PDE1C: variants seen among roughly 807,000 people sequenced by gnomAD.
PDE1C encodes the protein phosphodiesterase 1C, also known as dual specificity calcium/calmodulin-dependent 3',5'-cyclic nucleotide phosphodiesterase 1C.
Under a neutral mutation model 93.1 loss-of-function variants are expected in PDE1C, and 62 were observed. The ratio of observed to expected loss-of-function variants is 0.67; its 90% CI spans 0.54 to 0.82. The LOEUF is 0.82. Ranked by LOEUF, PDE1C falls within the 40% of genes least tolerant of loss-of-function variation. PDE1C has a pLI of 0.00. For missense variants in PDE1C, 742 were observed against 884.6 expected (o/e 0.84, Z 2.04); for synonymous variants, 325 against 310.1 (o/e 1.05, Z -0.50).
intron 2 of PDE1C, among the ~76,000 whole-genome samples, chr7:31,994,146 C>G (rs1406768142): frequency 6.6e-6 from 1 of 152,118 alleles, no homozygotes; most frequent in African/African-American, 2.4e-5. Flanking sequence ...GGCAAAGCAA[C>G]AATCACAATG....
At chr7:31,723,783 A>G in the PDE1C span, among the ~76,000 whole-genome samples, 2 of 152,294 alleles carry the variant, frequency 1.3e-5, no homozygotes, top group African/African-American at 2.4e-5. Flanking sequence ...CACAAAAATT[A>G]AGACACTTTT....
intron 16 of PDE1C, among the ~76,000 whole-genome samples, chr7:31,794,055 GACAGACA>G (rs1784943208): frequency 1.4e-5 from 2 of 145,830 alleles, no homozygotes; most frequent in African/African-American, 5.3e-5. Flanking sequence ...CAGACAGACA[GACAGACA>G]GACAGACAGA....
the PDE1C span, among the ~76,000 whole-genome samples, chr7:31,623,355 A>G: frequency 2.0e-5 from 3 of 152,092 alleles, no homozygotes; most frequent in Admixed American, 6.6e-5. Context: ...AAAATCCTCA[A>G]TAAAACACTG....
At chr7:31,675,931 T>C in the PDE1C span, among the ~76,000 whole-genome samples, 1 of 152,112 alleles carries the variant, frequency 6.6e-6, no homozygotes, top group Non-Finnish European at 1.5e-5. Context: ...AAGATCTGGG[T>C]ATAATATATC....
chr7:32,093,555 C>T (rs1025797916), intron 3 of PDE1C, among the ~76,000 whole-genome samples: 1 of 152,228 alleles, frequency 6.6e-6, no homozygotes, highest in Non-Finnish European at 1.5e-5. Context: ...GTTACTTCTC[C>T]GGAGCCTGGG....
At position 32,039,022 on chromosome 7, in the gene PDE1C, T is replaced by C. The variant is rs1030815353; in HGVS notation, c.128+12532A>G. Reference sequence around the variant, plus strand: ...AGTATGAAGTTAGCAATAACTGTGCTCATGGGCCACCACCACCATCAGCAC... The same window carrying C: ...AGTATGAAGTTAGCAATAACTGTGCCCATGGGCCACCACCACCATCAGCAC... On this transcript the variant is annotated intron_variant, in intron 2 of 17. Coordinates refer to ENST00000396191, the MANE Select transcript of PDE1C (RefSeq NM_001191057.4). Among the ~76,000 whole-genome samples, 83 of 152,130 alleles carry C rather than the reference T, an allele frequency of 5.5e-4. 2 individuals are homozygous for C. Among genetic ancestry groups the C allele is most frequent in the Non-Finnish European group, 4.4e-4 (30 of 68,028 alleles).
At chr7:32,108,655 C>G (rs1050338961) in intron 3 of PDE1C, among the ~76,000 whole-genome samples, 1 of 152,128 alleles carries the variant, frequency 6.6e-6, no homozygotes, top group Non-Finnish European at 1.5e-5. Context: ...TGACACAAAA[C>G]CCGTATGAAA....
intron 3 of PDE1C, among the ~76,000 whole-genome samples, chr7:32,136,170 G>A (rs1800196539): frequency 1.3e-5 from 2 of 152,076 alleles, no homozygotes; most frequent in Admixed American, 1.3e-4. Context: ...GTTATAAGAT[G>A]AACAAGTTAA....
At chr7:32,205,322 T>C (rs975549996) in intron 2 of PDE1C, among the ~76,000 whole-genome samples, 1 of 152,212 alleles carries the variant, frequency 6.6e-6, no homozygotes, top group Non-Finnish European at 1.5e-5. Context: ...AACTTGGAAA[T>C]AAGCTCTAGC....
At chr7:32,244,936 C>A (rs932587217) in intron 1 of PDE1C, among the ~76,000 whole-genome samples, 5 of 152,136 alleles carry the variant, frequency 3.3e-5, no homozygotes, top group African/African-American at 7.2e-5. Context: ...TTGCTCAAAC[C>A]GTGTCAGCTC....
chr7:31,757,722 T>C (rs1583944930), intron 17 of PDE1C, among the ~76,000 whole-genome samples: 4 of 152,336 alleles, frequency 2.6e-5, no homozygotes, highest in Admixed American at 2.6e-4. Flanking sequence ...GTTCAACCAT[T>C]GTGGAAGACA....
intron 2 of PDE1C, among the ~76,000 whole-genome samples, chr7:31,961,350 T>C (rs1808930683): frequency 1.3e-5 from 2 of 152,166 alleles, no homozygotes; most frequent in African/African-American, 2.4e-5. Context: ...GTTCAGAGTA[T>C]ATTGATAAAG....
At chr7:31,891,401 C>T (rs1293034033) in intron 2 of PDE1C, among the ~76,000 whole-genome samples, 2 of 152,022 alleles carry the variant, frequency 1.3e-5, no homozygotes, top group Admixed American at 1.3e-4. Flanking sequence ...TTCCTTTAAA[C>T]CTTTACTTTC....
chr7:32,337,776 A>G (rs894400790), intron 1 of PDE1C, among the ~76,000 whole-genome samples: 1 of 152,128 alleles, frequency 6.6e-6, no homozygotes, highest in East Asian at 1.9e-4. Flanking sequence ...TTCAGTTTTT[A>G]GAGGTCAAAA....
intron 3 of PDE1C, among the ~76,000 whole-genome samples, chr7:32,084,618 CA>C (rs1796943798): frequency 2.0e-5 from 3 of 151,672 alleles, no homozygotes; most frequent in Admixed American, 1.3e-4. Flanking sequence ...CTCTCCTCAG[CA>C]AATGTAAAAG....
chr7:32,214,001 A>C (rs1806241130), intron 1 of PDE1C, among the ~76,000 whole-genome samples: 1 of 152,166 alleles, frequency 6.6e-6, no homozygotes, highest in South Asian at 2.1e-4. Context: ...TCAGGAAAAA[A>C]TGTTTTTATT....
chr7:31,900,021 G>A (rs953130477), intron 2 of PDE1C, among the ~76,000 whole-genome samples: 5 of 152,106 alleles, frequency 3.3e-5, no homozygotes, highest in Non-Finnish European at 7.4e-5. Flanking sequence ...TGTCAGTTAC[G>A]CCAAGAAACC....
At chr7:32,310,443 A>G (rs914904846) in intron 1 of PDE1C, among the ~76,000 whole-genome samples, 3 of 152,214 alleles carry the variant, frequency 2.0e-5, no homozygotes, top group Admixed American at 6.5e-5. Context: ...AATCAACAGA[A>G]TATACATTTT....
intron 1 of PDE1C, among the ~76,000 whole-genome samples, chr7:32,317,634 T>C (rs772529685): frequency 3.9e-5 from 6 of 152,088 alleles, no homozygotes; most frequent in African/African-American, 7.2e-5. Context: ...ACCATACTCA[T>C]GTCATTTTCA....
Sources: gnomAD v4.1 joint callset for allele counts (sites outside exome capture counted in the v4.1 genomes callset) on GRCh38, gnomAD v4.1.1 for gene constraint, MANE v1.5 for transcripts, NCBI Gene and HGNC (gene_info 2026-07-23, HGNC 2026-07-21) for gene names.